The following LRRC37A2 variants were observed in gnomAD, a reference collection of about 807,000 sequenced individuals.
The protein encoded by LRRC37A2 is leucine rich repeat containing 37 member A2.
LRRC37A2 carries 9 observed loss-of-function variants against 68.8 expected under a neutral mutation model. The ratio of observed to expected loss-of-function variants is 0.13; its 90% CI spans 0.08 to 0.23. The LOEUF is 0.23. Ranked by LOEUF, LRRC37A2 falls within the 10% of genes least tolerant of loss-of-function variation. The pLI is 1.00. For synonymous variants in LRRC37A2, 63 were observed against 367.6 expected, an observed-to-expected ratio of 0.17 and a Z score of 9.48; for missense variants, 168 against 950.4, an observed-to-expected ratio of 0.18 and a Z score of 10.82.
chr17:46,631,165 T>A, the LRRC37A2 span, among the ~76,000 whole-genome samples: 1 of 140,682 alleles, frequency 7.1e-6, no homozygotes, highest in African/African-American at 3.0e-5. Context: ...CTAAGTTAGA[T>A]GGAATTTAAA....
the LRRC37A2 span, chr17:46,940,020 C>T: frequency 4.8e-6 from 5 of 1,038,464 alleles, 1 homozygote; most frequent in South Asian, 1.9e-4. Context: ...TCAGTATTAA[C>T]CCTACCTTTG....
chr17:46,829,330 G>C, the LRRC37A2 span, among the ~76,000 whole-genome samples: 1 of 152,080 alleles, frequency 6.6e-6, no homozygotes, highest in East Asian at 1.9e-4. Context: ...ACTATGCCTG[G>C]CTCATTTTTT....
At chr17:46,738,510 C>G in the LRRC37A2 span, among the ~76,000 whole-genome samples, 1 of 152,166 alleles carries the variant, frequency 6.6e-6, no homozygotes, top group Non-Finnish European at 1.5e-5. Flanking sequence ...TAAGGACCAT[C>G]ATAACAAACC....
the LRRC37A2 span, among the ~76,000 whole-genome samples, chr17:46,586,380 T>TCG: frequency 5.7e-5 from 1 of 17,428 alleles, no homozygotes; most frequent in Non-Finnish European, 8.5e-4. Flanking sequence ...TCTCTCTCTG[T>TCG]CACACACACA....
At chr17:46,829,004 C>A in the LRRC37A2 span, among the ~76,000 whole-genome samples, 1 of 152,108 alleles carries the variant, frequency 6.6e-6, no homozygotes, top group Non-Finnish European at 1.5e-5. Flanking sequence ...CCCAGTGCTG[C>A]CTTTGCATTT....
chr17:46,939,316 C>T, the LRRC37A2 span: 1 of 1,011,552 alleles, frequency 9.9e-7, no homozygotes, highest in Non-Finnish European at 1.2e-6. Flanking sequence ...TGTCACCATT[C>T]CCTGGAAGCA....
chr17:46,728,829 T>C, the LRRC37A2 span: 17 of 1,481,008 alleles, frequency 1.1e-5, no homozygotes, highest in East Asian at 3.9e-4. Context: ...ATCAAATCCC[T>C]AAACATAATA....
chr17:46,718,739 A>T, the LRRC37A2 span, among the ~76,000 whole-genome samples: 1 of 152,232 alleles, frequency 6.6e-6, no homozygotes, highest in African/African-American at 2.4e-5. Flanking sequence ...AAATGAAGAT[A>T]ATATTAATAG....
At chr17:46,803,260 G>C in the LRRC37A2 span, among the ~76,000 whole-genome samples, 1 of 152,186 alleles carries the variant, frequency 6.6e-6, no homozygotes, top group Non-Finnish European at 1.5e-5. Flanking sequence ...TTGGCCAGGC[G>C]TAGCGGCTCA....
At chr17:46,794,504 G>A in the LRRC37A2 span, among the ~76,000 whole-genome samples, 2 of 152,200 alleles carry the variant, frequency 1.3e-5, no homozygotes, top group African/African-American at 4.8e-5. Flanking sequence ...AGGAGCCAAA[G>A]AACATAGTCA....
the LRRC37A2 span, among the ~76,000 whole-genome samples, chr17:46,715,255 A>G: frequency 3.3e-5 from 5 of 152,220 alleles, no homozygotes; most frequent in Admixed American, 6.5e-5. Context: ...CTGAGGTGAA[A>G]CCAATAGTAT....
At chr17:46,753,595 A>G in the LRRC37A2 span, among the ~76,000 whole-genome samples, 1 of 151,638 alleles carries the variant, frequency 6.6e-6, no homozygotes, top group African/African-American at 2.4e-5. Flanking sequence ...CTTTTTTTTT[A>G]AGTTTCAGTA....
the LRRC37A2 span, chr17:46,757,482 T>C: frequency 6.6e-6 from 1 of 152,598 alleles, no homozygotes; most frequent in Non-Finnish European, 1.5e-5. Flanking sequence ...TAGACCAGTG[T>C]TTCATATAGA....
At chr17:46,816,940 T>G in the LRRC37A2 span, among the ~76,000 whole-genome samples, 1 of 152,178 alleles carries the variant, frequency 6.6e-6, no homozygotes. Context: ...TGGCCGAACC[T>G]CCTTCCTGAA....
the LRRC37A2 span, among the ~76,000 whole-genome samples, chr17:46,502,156 A>G: frequency 5.3e-5 from 8 of 151,122 alleles, no homozygotes; most frequent in African/African-American, 2.0e-4. Context: ...ATTTCACAGC[A>G]TAAAGCTCAT....
chr17:46,816,400 G>T, the LRRC37A2 span, among the ~76,000 whole-genome samples: 3 of 149,142 alleles, frequency 2.0e-5, no homozygotes, highest in African/African-American at 7.4e-5. Context: ...CCAGTTGCAG[G>T]CACAAACACT....
the LRRC37A2 span, among the ~76,000 whole-genome samples, chr17:46,800,107 C>T: frequency 6.6e-6 from 1 of 151,914 alleles, no homozygotes; most frequent in Non-Finnish European, 1.5e-5. Flanking sequence ...AACAGAATTC[C>T]TATTTATTTA....
the LRRC37A2 span, among the ~76,000 whole-genome samples, chr17:46,716,349 C>T: frequency 1.3e-5 from 2 of 151,908 alleles, no homozygotes; most frequent in African/African-American, 2.4e-5. Flanking sequence ...CTCCACCTCC[C>T]GGGTTCATGC....
chr17:46,815,472 A>G, the LRRC37A2 span, among the ~76,000 whole-genome samples: 16 of 152,236 alleles, frequency 1.1e-4, no homozygotes, highest in African/African-American at 3.9e-4. Flanking sequence ...TGGGGAATGC[A>G]TGAGCTGGGT....
Sources: allele counts gnomAD v4.1 joint callset (sites outside exome capture counted in the v4.1 genomes callset), GRCh38; gene constraint gnomAD v4.1.1; transcripts MANE v1.5; gene names NCBI Gene and HGNC (gene_info 2026-07-23, HGNC 2026-07-21).